The following IMPG2 variants were observed in gnomAD, a reference collection of about 807,000 sequenced individuals.
IMPG2 encodes the protein interphotoreceptor matrix proteoglycan 2, also known as IPM 200.
In IMPG2, 91 loss-of-function variants were observed where a neutral mutation model predicts 129.2. That is an observed-to-expected ratio of 0.70 (90% CI 0.59 to 0.84). The LOEUF (loss-of-function observed/expected upper bound fraction) is 0.84. Among genes scored for constraint, IMPG2 ranks in the 40% least tolerant of loss-of-function variants. The pLI, the probability that IMPG2 is intolerant of heterozygous loss-of-function variation, is 0.00. For missense variants in IMPG2, 1,430 were observed against 1,461.7 expected (o/e 0.98, Z 0.35); for synonymous variants, 510 against 517.7 (o/e 0.99, Z 0.20).
At chr3:101,239,493 A>T (rs1420498511) in intron 14 of IMPG2, among the ~76,000 whole-genome samples, 1 of 152,220 alleles carries the variant, frequency 6.6e-6, no homozygotes, top group African/African-American at 2.4e-5. Flanking sequence ...GTGGGAGTGT[A>T]AATTAGTTCA....
intron 4 of IMPG2, among the ~76,000 whole-genome samples, chr3:101,289,519 T>C (rs971464278): frequency 6.6e-6 from 1 of 152,132 alleles, no homozygotes; most frequent in Non-Finnish European, 1.5e-5. Context: ...TGTTTGATAA[T>C]GTTAGTCAGG....
intron 14 of IMPG2, among the ~76,000 whole-genome samples, chr3:101,241,780 C>A (rs1197961585): frequency 6.6e-6 from 1 of 152,112 alleles, no homozygotes; most frequent in Non-Finnish European, 1.5e-5. Context: ...GTAATCCCAG[C>A]ACTTTGGGAG....
chr3:101,244,729 A>T lies in IMPG2; in HGVS notation c.1602T>A (p.Ser534Arg), dbSNP rs1207628871. Residue 534 changes from serine to arginine, a missense_variant, in exon 13 of 19, where the codon AGT becomes AGA. Coordinates refer to ENST00000193391, the MANE Select transcript of IMPG2 (RefSeq NM_016247.4). ...CTTTTGGCACAGGTTGAGTGAATGAACTTGAAGGCAATGAATCAATAGAAA... is the reference window on the plus strand; with the variant it reads ...CTTTTGGCACAGGTTGAGTGAATGATCTTGAAGGCAATGAATCAATAGAAA... ...DFLSIDSLPS[S>R]SFTQPVPKET... 1 of 1,614,050 alleles carries T rather than the reference A, an allele frequency of 6.2e-7. No individual in the cohort carries two copies. Among genetic ancestry groups the T allele is most frequent in the Admixed American group, 1.7e-5 (1 of 60,012 alleles).
chr3:101,237,096 G>A (rs192553312), intron 14 of IMPG2, among the ~76,000 whole-genome samples: 113 of 152,248 alleles, frequency 7.4e-4, no homozygotes, highest in African/African-American at 2.3e-3. Flanking sequence ...AAATAAAGCC[G>A]CCCGGAAATT....
rs796426664 is a variant in IMPG2, at chr3:101,309,397, GC to G, written c.335-5086del. On this transcript the variant is annotated intron_variant, in intron 2 of 18. Transcript: ENST00000193391. ...TTCACAGTTCTGCATGGCTGGGGAGGCCTCAGGAAACTTACAATCATGGTGG... is the reference window on the plus strand; with the variant it reads ...TTCACAGTTCTGCATGGCTGGGGAGGCTCAGGAAACTTACAATCATGGTGG... Among the ~76,000 whole-genome samples, 8 of 152,252 alleles carry G rather than the reference GC, an allele frequency of 5.3e-5. No individual in the cohort carries two copies. The South Asian group carries it at 1.7e-3, about 32-fold the overall frequency.
chr3:101,232,466 G>A (rs1310790826), intron 15 of IMPG2, among the ~76,000 whole-genome samples: 2 of 152,020 alleles, frequency 1.3e-5, no homozygotes, highest in East Asian at 3.9e-4. Flanking sequence ...TCAATCTCCC[G>A]ACCTCAGGTG....
At chr3:101,292,727 T>C (rs1707032983) in intron 3 of IMPG2, among the ~76,000 whole-genome samples, 1 of 152,224 alleles carries the variant, frequency 6.6e-6, no homozygotes, top group Admixed American at 6.5e-5. Context: ...TAACATTTTA[T>C]CTAAAAGTCC....
intron 9 of IMPG2, among the ~76,000 whole-genome samples, chr3:101,259,714 A>G (rs1706649730): frequency 6.6e-6 from 1 of 152,092 alleles, no homozygotes; most frequent in African/African-American, 2.4e-5. Flanking sequence ...AATTTATGTT[A>G]CTAGTTAGTG....
chr3:101,265,001 C>T (rs1270515231), intron 9 of IMPG2, among the ~76,000 whole-genome samples: 2 of 151,838 alleles, frequency 1.3e-5, no homozygotes, highest in Admixed American at 1.3e-4. Flanking sequence ...AGGTGAAAGA[C>T]CTCTGCAAGA....
intron 6 of IMPG2, 44 bp downstream of exon 6, chr3:101,275,619 T>C (rs368838012): frequency 1.3e-5 from 18 of 1,356,700 alleles, no homozygotes; most frequent in East Asian, 1.1e-4. Context: ...TTAATCTCTA[T>C]GTTCCATGTT....
intron 10 of IMPG2, among the ~76,000 whole-genome samples, chr3:101,255,083 A>G (rs1301380098): frequency 6.6e-6 from 1 of 152,016 alleles, no homozygotes; most frequent in Non-Finnish European, 1.5e-5. Context: ...AGCCTGTGGA[A>G]CTGTAAGTCA....
At chr3:101,260,142 C>T (rs1228189665) in intron 9 of IMPG2, among the ~76,000 whole-genome samples, 2 of 152,100 alleles carry the variant, frequency 1.3e-5, no homozygotes, top group Non-Finnish European at 2.9e-5. Context: ...CGTGACACTT[C>T]CACCTGCCAT....
In IMPG2 at chr3:101,222,723, A is replaced by C. The variant is rs1388894281; in HGVS notation, c.*4246T>G. On this transcript the variant is annotated 3_prime_UTR_variant, in exon 19 of 19. Coordinates refer to ENST00000193391, the MANE Select transcript of IMPG2 (RefSeq NM_016247.4). ...ATTTATTTGATTCAAACCCTGGATAAAATGTCATTATAAACAAGGTGAAAA... is the reference window on the plus strand; with the variant it reads ...ATTTATTTGATTCAAACCCTGGATACAATGTCATTATAAACAAGGTGAAAA... 1.3e-5 allele frequency: 2 copies of C among 152,216 alleles called. No homozygotes were observed. The highest frequency in any genetic ancestry group is 2.9e-5 in the Non-Finnish European group (2 of 68,026). 9.4% of individuals were successfully genotyped at this position (152,216 alleles called of 1,614,324 possible). A position where few individuals can be genotyped will look rare whatever the true frequency, so the allele number is the denominator to read the frequency against.
chr3:101,241,564 G>A (rs192732911), intron 14 of IMPG2, among the ~76,000 whole-genome samples: 46 of 152,272 alleles, frequency 3.0e-4, no homozygotes, highest in African/African-American at 9.6e-4. Flanking sequence ...GGAGGAGCAC[G>A]AGAGGATGTG....
intron 10 of IMPG2, among the ~76,000 whole-genome samples, chr3:101,257,250 T>C (rs138694727): frequency 1.3e-4 from 20 of 152,244 alleles, no homozygotes; most frequent in Non-Finnish European, 2.8e-4. Flanking sequence ...TTCCAAGTAC[T>C]ACTTTCCTTT....
intron 2 of IMPG2, 79 bp downstream of exon 2, chr3:101,319,505 A>T: frequency 6.5e-7 from 1 of 1,550,308 alleles, no homozygotes; most frequent in East Asian, 2.2e-5. Context: ...GTAAATTTTG[A>T]TTTACAATGT....
Position 101,253,690 on chromosome 3 carries a change from A to G in IMPG2, c.1239+6T>C. The stretch of plus-strand genomic sequence containing the variant: ...CCTGGTTCTAGCATAAAACATAAAA[A>G]CATACCAGAATAGATGACGGCGTTG... On this transcript the variant is annotated splice_donor_region_variant and intron_variant, in intron 11 of 18. Transcript: ENST00000193391. 1.9e-6 allele frequency: 3 copies of G among 1,602,130 alleles called. No homozygotes were observed. Among genetic ancestry groups the G allele is most frequent in the Admixed American group, 1.7e-5 (1 of 59,604 alleles).
intron 2 of IMPG2, among the ~76,000 whole-genome samples, chr3:101,306,390 A>G (rs1310356185): frequency 3.3e-5 from 5 of 152,242 alleles, no homozygotes; most frequent in South Asian, 4.1e-4. Flanking sequence ...CTTTCATTAC[A>G]AACTTAATTT....
At chr3:101,247,967 T>G (rs530474461) in intron 11 of IMPG2, among the ~76,000 whole-genome samples, 1 of 152,306 alleles carries the variant, frequency 6.6e-6, no homozygotes, top group East Asian at 1.9e-4. Context: ...CCAGGAGACT[T>G]CTATCAGCAA....
Sources: gnomAD v4.1 joint callset for allele counts (sites outside exome capture counted in the v4.1 genomes callset) on GRCh38, gnomAD v4.1.1 for gene constraint, MANE v1.5 for transcripts, NCBI Gene and HGNC (gene_info 2026-07-23, HGNC 2026-07-21) for gene names.